Variants in PPARGC1A observed in about 807,000 individuals in gnomAD.
PPARGC1A encodes the protein peroxisome proliferator-activated receptor gamma coactivator 1-alpha.
Under a neutral mutation model 88.7 loss-of-function variants are expected in PPARGC1A, and 25 were observed. The ratio of observed to expected loss-of-function variants is 0.28; its 90% CI spans 0.21 to 0.39. The LOEUF (loss-of-function observed/expected upper bound fraction) is 0.39, where lower values mean the gene tolerates loss of function less well. PPARGC1A is among the 10% of genes least tolerant of loss of function. The pLI is 1.00. For missense variants in PPARGC1A, 880 were observed against 968.7 expected, an observed-to-expected ratio of 0.91 and a Z score of 1.22; for synonymous variants, 363 against 355.6, an observed-to-expected ratio of 1.02 and a Z score of -0.24.
At chr4:24,318,809 GGTT>G in the PPARGC1A span, among the ~76,000 whole-genome samples, 1 of 152,156 alleles carries the variant, frequency 6.6e-6, no homozygotes, top group Non-Finnish European at 1.5e-5. Flanking sequence ...CCTCCAATCT[GGTT>G]GGTGATTTTA....
At chr4:24,174,834 G>A in the PPARGC1A span, among the ~76,000 whole-genome samples, 1 of 152,184 alleles carries the variant, frequency 6.6e-6, no homozygotes, top group Non-Finnish European at 1.5e-5. Flanking sequence ...AGACTAATTT[G>A]AACATGTCTT....
chr4:24,066,849 GTTT>G, the PPARGC1A span, among the ~76,000 whole-genome samples: 1,427 of 100,810 alleles, frequency 0.014, 25 homozygotes, highest in African/African-American at 0.053. Flanking sequence ...TTTGTTTTGG[GTTT>G]TTTTTTTTTT....
the PPARGC1A span, among the ~76,000 whole-genome samples, chr4:23,916,248 A>G: frequency 2.0e-5 from 3 of 152,236 alleles, no homozygotes; most frequent in African/African-American, 7.2e-5. Flanking sequence ...CCTTTGGCAT[A>G]GATGTAAGGA....
At chr4:24,282,721 C>G in the PPARGC1A span, among the ~76,000 whole-genome samples, 3 of 152,362 alleles carry the variant, frequency 2.0e-5, no homozygotes, top group East Asian at 5.8e-4. Flanking sequence ...TCCTGTGAGT[C>G]AGTGAGGTCT....
the PPARGC1A span, among the ~76,000 whole-genome samples, chr4:24,312,596 A>C: frequency 6.7e-5 from 10 of 150,230 alleles, no homozygotes; most frequent in African/African-American, 2.5e-4. Flanking sequence ...AGTCACCCTA[A>C]AAAATGTGGG....
chr4:24,260,631 C>G, the PPARGC1A span, among the ~76,000 whole-genome samples: 3 of 152,006 alleles, frequency 2.0e-5, no homozygotes, highest in Non-Finnish European at 4.4e-5. Flanking sequence ...AGGGCAGAGT[C>G]GTGGTATGTT....
chr4:24,056,698 T>C, the PPARGC1A span, among the ~76,000 whole-genome samples: 1 of 152,172 alleles, frequency 6.6e-6, no homozygotes, highest in South Asian at 2.1e-4. Flanking sequence ...AAATGAGGAA[T>C]ATAATACTGT....
At chr4:24,045,622 C>T in the PPARGC1A span, among the ~76,000 whole-genome samples, 1 of 152,294 alleles carries the variant, frequency 6.6e-6, no homozygotes, top group East Asian at 1.9e-4. Context: ...TGGACTTCTC[C>T]TCCGTGTGTC....
chr4:24,048,220 CTTTTT>C, the PPARGC1A span, among the ~76,000 whole-genome samples: 1 of 152,036 alleles, frequency 6.6e-6, no homozygotes, highest in Non-Finnish European at 1.5e-5. Context: ...GCAGTCTTTC[CTTTTT>C]TATCTTTTTC....
chr4:24,326,023 C>T, the PPARGC1A span, among the ~76,000 whole-genome samples: 3 of 151,372 alleles, frequency 2.0e-5, no homozygotes, highest in South Asian at 4.2e-4. Context: ...GGACTATAGC[C>T]GCTGATCTCA....
At chr4:24,050,920 G>T in the PPARGC1A span, among the ~76,000 whole-genome samples, 1 of 152,130 alleles carries the variant, frequency 6.6e-6, no homozygotes, top group South Asian at 2.1e-4. Context: ...GGGCGCAGTG[G>T]CTCACGCCTG....
intron 7 of PPARGC1A, among the ~76,000 whole-genome samples, chr4:23,814,892 G>T (rs1246102727): frequency 1.3e-5 from 2 of 152,068 alleles, no homozygotes; most frequent in Non-Finnish European, 1.5e-5. Context: ...CAGAAAACAT[G>T]AATGCATCAC....
At chr4:23,828,272 C>T in intron 5 of PPARGC1A, 128 bp downstream of exon 5, 1 of 976,710 alleles carries the variant, frequency 1.0e-6, no homozygotes, top group East Asian at 2.4e-5. Context: ...GTAATAAGTG[C>T]TGAATTCTCT....
chr4:24,074,440 T>C, the PPARGC1A span, among the ~76,000 whole-genome samples: 3 of 152,196 alleles, frequency 2.0e-5, no homozygotes, highest in East Asian at 5.8e-4. Flanking sequence ...TAATTTTTTT[T>C]TTGGCTTAAC....
the PPARGC1A span, among the ~76,000 whole-genome samples, chr4:24,388,631 T>C: frequency 6.6e-6 from 1 of 152,212 alleles, no homozygotes; most frequent in East Asian, 1.9e-4. Flanking sequence ...CATGGAATAC[T>C]ATGCAGCCAT....
the PPARGC1A span, among the ~76,000 whole-genome samples, chr4:24,079,334 C>G: frequency 4.8e-3 from 729 of 151,966 alleles, 6 homozygotes; most frequent in African/African-American, 0.016. Context: ...AGTCATGTCC[C>G]CATTATTGTT....
At chr4:24,249,028 A>T in the PPARGC1A span, among the ~76,000 whole-genome samples, 1 of 152,170 alleles carries the variant, frequency 6.6e-6, no homozygotes, top group East Asian at 1.9e-4. Flanking sequence ...CCACTTTTGG[A>T]TTCAGATCCA....
At chr4:24,242,875 C>A in the PPARGC1A span, among the ~76,000 whole-genome samples, 11 of 152,136 alleles carry the variant, frequency 7.2e-5, no homozygotes, top group Non-Finnish European at 1.6e-4. Context: ...AGAACCCCAT[C>A]AGTTCCCAAT....
chr4:24,182,255 T>G, the PPARGC1A span, among the ~76,000 whole-genome samples: 2 of 152,222 alleles, frequency 1.3e-5, no homozygotes, highest in African/African-American at 4.8e-5. Context: ...TGTTTGGTTT[T>G]CTGTTCCTGT....
Sources: allele counts gnomAD v4.1 joint callset (sites outside exome capture counted in the v4.1 genomes callset), GRCh38; gene constraint gnomAD v4.1.1; transcripts MANE v1.5; gene names NCBI Gene and HGNC (gene_info 2026-07-23, HGNC 2026-07-21).